IFITM10: variants seen among roughly 807,000 people sequenced by gnomAD.
IFITM10 encodes interferon-induced transmembrane protein 10.
A neutral mutation model predicts 19.0 loss-of-function variants in IFITM10; 17 were observed. That is an observed-to-expected ratio of 0.90 (90% CI 0.61 to 1.34). The LOEUF is 1.34. IFITM10 is among the 40% of genes most tolerant of loss of function. The pLI, the probability that IFITM10 is intolerant of heterozygous loss-of-function variation, is 0.00. For synonymous variants in IFITM10, 148 were observed against 147.2 expected, an observed-to-expected ratio of 1.01 and a Z score of -0.04; for missense variants, 306 against 319.8, an observed-to-expected ratio of 0.96 and a Z score of 0.33.
intron 1 of IFITM10, 30 bp from the exon 2 acceptor site, chr11:1,748,149 G>T: frequency 7.5e-7 from 1 of 1,327,502 alleles, no homozygotes; most frequent in Non-Finnish European, 9.6e-7. Flanking sequence ...AGCAAGCTGG[G>T]CCCGGCCTAC....
intron 2 of IFITM10, chr11:1,745,157 C>A (rs145757208): frequency 1.6e-3 from 248 of 152,948 alleles, no homozygotes; most frequent in Middle Eastern, 3.4e-3. Context: ...CCACCCCCAA[C>A]CCCTGCAGAA....
At chr11:1,739,469 A>C (rs1851122539) in intron 2 of IFITM10, among the ~76,000 whole-genome samples, 1 of 152,238 alleles carries the variant, frequency 6.6e-6, no homozygotes, top group Admixed American at 6.5e-5. Flanking sequence ...CGTATATCAC[A>C]AGGAATAAAA....
chr11:1,750,260 T>G, intron 1 of IFITM10, 99 bp downstream of exon 1: 1 of 1,542,668 alleles, frequency 6.5e-7, no homozygotes, highest in Non-Finnish European at 8.8e-7. Context: ...ACAGTCCCCA[T>G]GAGTTCCTCC....
intron 1 of IFITM10, 167 bp downstream of exon 1, chr11:1,750,192 C>T (rs1590901225): frequency 1.4e-6 from 1 of 740,382 alleles, no homozygotes; most frequent in Non-Finnish European, 1.7e-6. Context: ...CCTCCGCTAC[C>T]CCACCACATC....
rs111210481 is a variant in IFITM10 at position 1,743,243 on chromosome 11, G to A, written c.537+4424C>T. ...AAGAATGGACAAATGGAAGATGGAT[G>A]GATGGAGGATGAATAGATGAATGGA... is the stretch of plus-strand genomic sequence containing the variant. On this transcript the variant is annotated intron_variant, in intron 2 of 2. Coordinates refer to ENST00000340134, the MANE Select transcript of IFITM10 (RefSeq NM_001170820.4). Among the ~76,000 whole-genome samples the A allele has an allele frequency of 7.2e-3, 1,093 of 151,568 alleles. 17 individuals carry two copies. The highest frequency in any genetic ancestry group is 0.025 in the African/African-American group (1,050 of 41,222).
At chr11:1,744,804 G>C (rs1845619499) in intron 2 of IFITM10, 1 of 152,406 alleles carries the variant, frequency 6.6e-6, no homozygotes, top group Non-Finnish European at 1.5e-5. Context: ...AGGGAACAGG[G>C]GCTCAGTGAG....
rs143150655 is a variant in IFITM10 at position 1,738,626 on chromosome 11, T to C, written c.538-3197A>G. ...TGGGCAGGACAGGCAAATAGGTGAA[T>C]ACACGAGAATGTGTGCTCATGTGTC... is the stretch of plus-strand genomic sequence containing the variant. On this transcript the variant is annotated intron_variant, in intron 2 of 2. Transcript: ENST00000340134. Among the ~76,000 whole-genome samples the C allele has an allele frequency of 2.5e-4, 38 of 152,222 alleles. No homozygotes were observed. In the East Asian group the frequency reaches 7.1e-3, roughly 29 times the overall value.
intron 2 of IFITM10, chr11:1,746,888 T>A: frequency 2.5e-6 from 1 of 398,046 alleles, no homozygotes. Context: ...GGGCCTGCCC[T>A]CGCCCTCACG....
At position 1,732,790 on chromosome 11, in the gene IFITM10, T is replaced by C. The variant is rs1279564128; in HGVS notation, c.*2490A>G. ...TACTGGCTGGAAGGTGACCGTTCCA[T>C]TTCCCCAACATGAACTCAGAAAGCT... is the stretch of plus-strand genomic sequence containing the variant. On this transcript the variant is annotated 3_prime_UTR_variant, in exon 3 of 3. Transcript: ENST00000340134. 1.3e-5 allele frequency: 2 copies of C among 152,152 alleles called. No homozygotes were observed. Among genetic ancestry groups the C allele is most frequent in the Non-Finnish European group, 2.9e-5 (2 of 68,028 alleles). The allele number at this position is 152,152 out of a possible 1,614,324, so 9.4% of individuals were successfully genotyped here.
At chr11:1,749,181 C>A in intron 1 of IFITM10, 5 of 791,642 alleles carry the variant, frequency 6.3e-6, no homozygotes, top group Non-Finnish European at 7.7e-6. Context: ...GCCTCCCCCG[C>A]CGCCTGCGCT....
In IFITM10 at chr11:1,747,977, C is replaced by T; in HGVS notation, c.227G>A (p.Cys76Tyr). Residue 76 changes from cysteine to tyrosine, a missense_variant, in exon 2 of 3, where the codon TGC becomes TAC. Coordinates refer to ENST00000340134, the MANE Select transcript of IFITM10 (RefSeq NM_001170820.4). ...PAGSPKGCFA[C>Y]VSKPPALQAP... The stretch of plus-strand genomic sequence containing the variant: ...CTGCAGGGCAGGGGGCTTGGACACG[C>T]AAGCGAAGCAGCCCTTGGGCGAACC... 1 of 1,454,312 alleles carries T rather than the reference C, an allele frequency of 6.9e-7. No homozygotes were observed. The highest frequency in any genetic ancestry group is 1.4e-5 in the South Asian group (1 of 70,018). 90.1% of individuals were successfully genotyped at this position (1,454,312 alleles called of 1,614,324 possible).
chr11:1,746,162 A>G (rs1013884941), intron 2 of IFITM10: 6 of 161,302 alleles, frequency 3.7e-5, no homozygotes, highest in Non-Finnish European at 6.7e-5. Context: ...CACCATGCAC[A>G]CATGCAATTA....
At chr11:1,744,010 C>G (rs186631781) in intron 2 of IFITM10, among the ~76,000 whole-genome samples, 1 of 152,324 alleles carries the variant, frequency 6.6e-6, no homozygotes, top group African/African-American at 2.4e-5. Flanking sequence ...CCTAGACTGC[C>G]CCACCTACGT....
rs1370507199 is a variant in IFITM10 at position 1,747,629 on chromosome 11, C to T, written c.537+38G>A. ...GGACTGTCCTGCCGGCACCACCTCT[C>T]TAGCCCGCCCTTGCCCCCTGCCACC... is the stretch of plus-strand genomic sequence containing the variant. On this transcript the variant is annotated intron_variant, in intron 2 of 2. Coordinates refer to ENST00000340134, the MANE Select transcript of IFITM10 (RefSeq NM_001170820.4). The T allele has an allele frequency of 2.6e-6, 4 of 1,536,044 alleles. No individual in the cohort carries two copies. The African/African-American group carries it at 4.1e-5, about 16-fold the overall frequency.
intron 1 of IFITM10, chr11:1,748,476 C>A (rs904055095): frequency 4.5e-5 from 11 of 244,642 alleles, no homozygotes; most frequent in South Asian, 1.8e-4. Context: ...ACCCCGCACA[C>A]ACGGGGCGCC....
intron 1 of IFITM10, 50 bp from the exon 2 acceptor site, chr11:1,748,169 C>G (rs1845672896): frequency 8.1e-7 from 1 of 1,238,908 alleles, no homozygotes; most frequent in Non-Finnish European, 1.0e-6. Flanking sequence ...CCGGCCAGCA[C>G]CCACCCTCAC....
chr11:1,742,760 C>T (rs1845583727), intron 2 of IFITM10, among the ~76,000 whole-genome samples: 2 of 152,126 alleles, frequency 1.3e-5, no homozygotes, highest in African/African-American at 4.8e-5. Flanking sequence ...GGAGGGGAGC[C>T]TGAATGATCA....
chr11:1,734,973 A>G lies in IFITM10; in HGVS notation c.*307T>C, dbSNP rs1851068088. The G allele has an allele frequency of 7.8e-6, 3 of 384,680 alleles. No homozygotes were observed. In the South Asian group the frequency reaches 1.6e-4, roughly 21 times the overall value. 23.8% of individuals were successfully genotyped at this position (384,680 alleles called of 1,614,324 possible). On this transcript the variant is annotated 3_prime_UTR_variant, in exon 3 of 3. Transcript: ENST00000340134. ...TCCAAGGGGCCCCAGGAGCCTGGGA[A>G]GGGGCACGTGAGGGCAGGGACACAG...
Position 1,746,269 on chromosome 11 carries a change from TAC to T in IFITM10, c.537+1396_537+1397del, listed in dbSNP as rs3047256. On this transcript the variant is annotated intron_variant, in intron 2 of 2. Transcript: ENST00000340134. ...CACACACCATGCCCACCCACGTAAT[TAC>T]ACACATGCACACATATGCATTCACA... The T allele has an allele frequency of 1.0e-5, 3 of 291,090 alleles. No individual in the cohort carries two copies. The East Asian group carries it at 1.7e-4, about 16-fold the overall frequency. 18.0% of individuals were successfully genotyped at this position (291,090 alleles called of 1,614,324 possible). A position where few individuals can be genotyped will look rare whatever the true frequency, so the allele number is the denominator to read the frequency against.
Sources: allele counts gnomAD v4.1 joint callset (sites outside exome capture counted in the v4.1 genomes callset), GRCh38; gene constraint gnomAD v4.1.1; transcripts MANE v1.5; gene names NCBI Gene and HGNC (gene_info 2026-07-23, HGNC 2026-07-21).